ITFG1: variants seen among roughly 807,000 people sequenced by gnomAD.
The protein encoded by ITFG1 is T-cell immunomodulatory protein.
ITFG1 carries 34 observed loss-of-function variants against 81.8 expected under a neutral mutation model. That is an observed-to-expected ratio of 0.42 (90% CI 0.32 to 0.55). ITFG1 has a LOEUF of 0.55. Among genes scored for constraint, ITFG1 ranks in the 20% least tolerant of loss-of-function variants. ITFG1 has a pLI of 0.17. For missense variants in ITFG1, 672 were observed against 755.4 expected, an observed-to-expected ratio of 0.89 and a Z score of 1.29; for synonymous variants, 285 against 270.6, an observed-to-expected ratio of 1.05 and a Z score of -0.52.
chr16:47,286,088 G>A (rs1966868372), intron 10 of ITFG1, among the ~76,000 whole-genome samples: 1 of 152,076 alleles, frequency 6.6e-6, no homozygotes, highest in African/African-American at 2.4e-5. Flanking sequence ...TGGGTTCCCT[G>A]GGAAGGAGAT....
rs564314647 is a variant in ITFG1 at position 47,238,800 on chromosome 16, GTTTCT to G, written c.1331-797_1331-793del. Among the ~76,000 whole-genome samples, 383 of 152,164 alleles carry G rather than the reference GTTTCT, an allele frequency of 2.5e-3. 1 individual carries two copies. Among genetic ancestry groups the G allele is most frequent in the African/African-American group, 8.4e-3 (348 of 41,528 alleles). On this transcript the variant is annotated intron_variant, in intron 12 of 17. Coordinates refer to ENST00000320640, the MANE Select transcript of ITFG1 (RefSeq NM_030790.5). Reference sequence around the variant, plus strand: ...ATTAAAATATATCCAGAAGAAAATGGTTTCTTTTGTTTGTTTATATTACATGACTA... The same window carrying G: ...ATTAAAATATATCCAGAAGAAAATGGTTTGTTTGTTTATATTACATGACTA...
At chr16:47,298,368 G>A (rs1967016960) in intron 10 of ITFG1, among the ~76,000 whole-genome samples, 1 of 152,114 alleles carries the variant, frequency 6.6e-6, no homozygotes, top group East Asian at 1.9e-4. Context: ...CTTTGGGGAT[G>A]CCATAACCCT....
intron 5 of ITFG1, among the ~76,000 whole-genome samples, chr16:47,447,640 C>T (rs1269410883): frequency 1.3e-5 from 2 of 152,122 alleles, no homozygotes; most frequent in Non-Finnish European, 2.9e-5. Flanking sequence ...AAGCAAAAAT[C>T]TGAGGTAATT....
chr16:47,317,292 CTA>C (rs749910175), intron 8 of ITFG1, among the ~76,000 whole-genome samples: 3 of 152,036 alleles, frequency 2.0e-5, no homozygotes, highest in Non-Finnish European at 4.4e-5. Context: ...AAAAGCAAAA[CTA>C]AAGTGTTATT....
At chr16:47,167,740 G>A (rs1432706261) in intron 14 of ITFG1, among the ~76,000 whole-genome samples, 6 of 152,090 alleles carry the variant, frequency 3.9e-5, no homozygotes, top group Non-Finnish European at 7.4e-5. Flanking sequence ...ACACGGACGC[G>A]CATGAAAAGT....
chr16:47,296,167 C>T (rs928769522), intron 10 of ITFG1, among the ~76,000 whole-genome samples: 1 of 151,656 alleles, frequency 6.6e-6, no homozygotes, highest in Non-Finnish European at 1.5e-5. Flanking sequence ...AACTCCTTGG[C>T]TCAAGGGATC....
intron 14 of ITFG1, among the ~76,000 whole-genome samples, chr16:47,198,084 T>C (rs1055062536): frequency 3.3e-5 from 5 of 152,384 alleles, no homozygotes; most frequent in Middle Eastern, 3.4e-3. Context: ...ATATTGGTTC[T>C]GTTGCAATCA....
At chr16:47,363,857 A>G (rs1968141322) in intron 8 of ITFG1, among the ~76,000 whole-genome samples, 2 of 151,946 alleles carry the variant, frequency 1.3e-5, no homozygotes, top group African/African-American at 4.8e-5. Context: ...GTGAGCTGGG[A>G]GCCATTTAAA....
intron 6 of ITFG1, among the ~76,000 whole-genome samples, chr16:47,379,878 TTG>T: frequency 6.6e-6 from 1 of 152,088 alleles, no homozygotes; most frequent in Non-Finnish European, 1.5e-5. Flanking sequence ...GTGTGATATT[TTG>T]TGTTTTCTTT....
intron 6 of ITFG1, among the ~76,000 whole-genome samples, chr16:47,409,132 G>C (rs1168558688): frequency 1.3e-5 from 2 of 151,208 alleles, no homozygotes; most frequent in Non-Finnish European, 2.9e-5. Context: ...GGGAAAATTA[G>C]GGTTATCATA....
At chr16:47,249,347 A>G (rs1235651640) in intron 12 of ITFG1, among the ~76,000 whole-genome samples, 2 of 152,170 alleles carry the variant, frequency 1.3e-5, no homozygotes, top group Non-Finnish European at 2.9e-5. Context: ...TGAACACAGG[A>G]GGCAGAGGTT....
intron 6 of ITFG1, among the ~76,000 whole-genome samples, chr16:47,409,217 C>G (rs1567490013): frequency 6.7e-6 from 1 of 149,424 alleles, no homozygotes; most frequent in Non-Finnish European, 1.5e-5. Flanking sequence ...GAGAGAAAAA[C>G]TATGGAAAAA....
At chr16:47,353,662 A>T (rs1006328494) in intron 8 of ITFG1, among the ~76,000 whole-genome samples, 1 of 152,010 alleles carries the variant, frequency 6.6e-6, no homozygotes, top group African/African-American at 2.4e-5. Flanking sequence ...ATCAAAAAAA[A>T]CCCTTTTAGA....
At chr16:47,351,053 A>G (rs139637231) in intron 8 of ITFG1, among the ~76,000 whole-genome samples, 1 of 152,232 alleles carries the variant, frequency 6.6e-6, no homozygotes, top group South Asian at 2.1e-4. Flanking sequence ...TATTGATGGG[A>G]TGTATCTCAA....
chr16:47,212,360 C>T lies in ITFG1; in HGVS notation c.1453+6508G>A, dbSNP rs967067593. The stretch of plus-strand genomic sequence containing the variant: ...TCCTGAATTGCTGGGACTATGGGCA[C>T]ATGCCACTACATCTGGCTTATTTAA... On this transcript the variant is annotated intron_variant, in intron 14 of 17. Transcript: ENST00000320640. Among the ~76,000 whole-genome samples the T allele has an allele frequency of 5.3e-5, 8 of 152,226 alleles. No homozygotes were observed. In the South Asian group the frequency reaches 6.2e-4, roughly 12 times the overall value.
At chr16:47,452,619 A>G (rs1016411626) in intron 4 of ITFG1, 114 bp downstream of exon 4, 2 of 670,696 alleles carry the variant, frequency 3.0e-6, no homozygotes, top group Middle Eastern at 7.5e-4. Flanking sequence ...TCAAAGGTAC[A>G]GGCCTCTGAG....
At chr16:47,217,867 G>A (rs1567426504) in intron 14 of ITFG1, among the ~76,000 whole-genome samples, 1 of 152,248 alleles carries the variant, frequency 6.6e-6, no homozygotes, top group Non-Finnish European at 1.5e-5. Flanking sequence ...GGAGCTTGCA[G>A]TGAGCTGAGA....
intron 6 of ITFG1, among the ~76,000 whole-genome samples, chr16:47,396,595 G>A (rs994147944): frequency 2.0e-5 from 3 of 150,958 alleles, no homozygotes; most frequent in African/African-American, 7.4e-5. Flanking sequence ...TAGAATTAGG[G>A]TGTCTGAATG....
chr16:47,289,033 A>G (rs781559879), intron 10 of ITFG1, among the ~76,000 whole-genome samples: 43 of 152,214 alleles, frequency 2.8e-4, no homozygotes, highest in South Asian at 8.3e-4. Context: ...TTCCTTCTGT[A>G]CCTAAATTAT....
Sources: gnomAD v4.1 joint callset for allele counts (sites outside exome capture counted in the v4.1 genomes callset) on GRCh38, gnomAD v4.1.1 for gene constraint, MANE v1.5 for transcripts, NCBI Gene and HGNC (gene_info 2026-07-23, HGNC 2026-07-21) for gene names.